The following SGSM2 variants were observed in gnomAD, a reference collection of about 807,000 sequenced individuals.
SGSM2 encodes RUN and TBC1 domain containing 1.
SGSM2 carries 89 observed loss-of-function variants against 126.6 expected under a neutral mutation model. The observed-to-expected ratio is 0.70, with a 90% CI of 0.59 to 0.84. The LOEUF is 0.84. Ranked by LOEUF, SGSM2 falls within the 40% of genes least tolerant of loss-of-function variation. The pLI is 0.00. For synonymous variants in SGSM2, 614 were observed against 574.3 expected (o/e 1.07, Z -0.99); for missense variants, 1,404 against 1,416.6 (o/e 0.99, Z 0.14).
At chr17:2,345,339 G>C (rs894110709) in intron 2 of SGSM2, among the ~76,000 whole-genome samples, 1 of 152,012 alleles carries the variant, frequency 6.6e-6, no homozygotes, top group African/African-American at 2.4e-5. Flanking sequence ...GCGGGCGCCT[G>C]TAATCCCAGC....
intron 22 of SGSM2, 80 bp from the exon 23 acceptor site, chr17:2,378,956 C>T: frequency 5.3e-6 from 8 of 1,499,486 alleles, no homozygotes; most frequent in Non-Finnish European, 7.2e-6. Context: ...CAGCCTCAAT[C>T]CCAGCCTCAG....
intron 8 of SGSM2, 158 bp downstream of exon 8, chr17:2,364,341 G>T: frequency 9.7e-7 from 1 of 1,029,242 alleles, no homozygotes; most frequent in Admixed American, 2.2e-5. Flanking sequence ...TGATTCCCAA[G>T]CTCTCTAGGA....
At chr17:2,364,387 G>C in intron 8 of SGSM2, 1 of 852,700 alleles carries the variant, frequency 1.2e-6, no homozygotes, top group South Asian at 1.7e-5. Flanking sequence ...GTTTGTCTGA[G>C]CCAAGCTCTC....
At position 2,373,311 on chromosome 17, in the gene SGSM2, G is replaced by C. The variant is rs762234489; in HGVS notation, c.1918-20G>C. 6.2e-7 allele frequency: 1 copy of C among 1,604,130 alleles called. No individual in the cohort carries two copies. Among genetic ancestry groups the C allele is most frequent in the Admixed American group, 1.7e-5 (1 of 59,814 alleles). ...CCTGGTGCACGCTTCCCCCATGGTC[G>C]TGGTGTGGTCTGAGTACAGGTGGAC... On this transcript the variant is annotated intron_variant, in intron 16 of 23. Transcript: ENST00000268989.
chr17:2,364,708 C>T, intron 9 of SGSM2, 45 bp downstream of exon 9: 2 of 1,606,282 alleles, frequency 1.2e-6, no homozygotes, highest in Non-Finnish European at 1.7e-6. Flanking sequence ...GGAGAGGCTG[C>T]CTTCTGCCAG....
intron 8 of SGSM2, 116 bp downstream of exon 8, chr17:2,364,299 C>A: frequency 7.4e-7 from 1 of 1,344,236 alleles, no homozygotes; most frequent in Non-Finnish European, 1.0e-6. Context: ...TTTATTTGGA[C>A]GCCAAGAATA....
intron 11 of SGSM2, among the ~76,000 whole-genome samples, chr17:2,365,745 T>C (rs1350811142): frequency 6.9e-6 from 1 of 145,598 alleles, no homozygotes; most frequent in Admixed American, 6.8e-5. Flanking sequence ...CAGCGCTACT[T>C]TTTTTTTTTT....
intron 1 of SGSM2, among the ~76,000 whole-genome samples, chr17:2,340,095 T>C (rs185988859): frequency 4.7e-4 from 71 of 152,166 alleles, no homozygotes; most frequent in African/African-American, 1.6e-3. Context: ...ATTTTGGAGG[T>C]TAGTCACAGA....
At chr17:2,374,722 A>C (rs2066045965) in intron 17 of SGSM2, 1 of 152,264 alleles carries the variant, frequency 6.6e-6, no homozygotes, top group Non-Finnish European at 1.5e-5. Context: ...GCCAGTGCCC[A>C]GCTGCTGAGC....
chr17:2,359,057 T>C (rs2151546749), intron 2 of SGSM2, among the ~76,000 whole-genome samples: 1 of 152,124 alleles, frequency 6.6e-6, no homozygotes, highest in Non-Finnish European at 1.5e-5. Context: ...TTTTGTATTT[T>C]TAGTAGAGAT....
At position 2,376,986 on chromosome 17, in the gene SGSM2, A is replaced by T; in HGVS notation, c.2720A>T (p.His907Leu). 1 of 1,613,712 alleles carries T rather than the reference A, an allele frequency of 6.2e-7. No homozygotes were observed. The highest frequency in any genetic ancestry group is 8.5e-7 in the Non-Finnish European group (1 of 1,179,868). Residue 907 changes from histidine to leucine, a missense_variant, in exon 21 of 24, where the codon CAC becomes CTC. Coordinates refer to ENST00000268989, the MANE Select transcript of SGSM2 (RefSeq NM_014853.3). The stretch of plus-strand genomic sequence containing the variant: ...CAGCTGGCCTACAGCTGCTTCAGCC[A>T]CCTCATGAAGAGGATGAGCCAGAAC... ...NDQLAYSCFS[H>L]LMKRMSQNFP...
intron 2 of SGSM2, among the ~76,000 whole-genome samples, chr17:2,346,070 G>GA (rs371145798): frequency 3.3e-5 from 5 of 152,136 alleles, no homozygotes; most frequent in African/African-American, 1.2e-4. Context: ...TCAGTCCCTG[G>GA]AAAAATGCTC....
intron 1 of SGSM2, among the ~76,000 whole-genome samples, 199 bp from the exon 2 acceptor site, chr17:2,343,346 C>T (rs2064460810): frequency 1.3e-5 from 2 of 152,144 alleles, no homozygotes; most frequent in Admixed American, 1.3e-4. Flanking sequence ...GCATCTCTTT[C>T]CCTGGTTTCC....
chr17:2,373,372 AGAGTGGAAGG>A lies in SGSM2; in HGVS notation c.1960_1969del (p.Glu654ProfsTer6). On this transcript the variant is annotated frameshift_variant, in exon 17 of 24. Transcript: ENST00000268989. LOFTEE classifies it high-confidence loss of function. The stretch of plus-strand genomic sequence containing the variant: ...CAGCAAGGTACCAGCAGGTGTTGGC[AGAGTGGAAGG>A]CCTGCGAGGTGGTGGTGAGGCAGCG... 6.2e-7 allele frequency: 1 copy of A among 1,613,066 alleles called. No individual in the cohort carries two copies. Among genetic ancestry groups the A allele is most frequent in the East Asian group, 2.2e-5 (1 of 44,822 alleles).
chr17:2,337,653 C>T lies in SGSM2; in HGVS notation c.-36C>T, dbSNP rs1395134931. On this transcript the variant is annotated 5_prime_UTR_variant, in exon 1 of 24. Coordinates refer to ENST00000268989, the MANE Select transcript of SGSM2 (RefSeq NM_014853.3). The surrounding 1 kb of genome is among the most constrained non-coding windows in gnomAD (Gnocchi z 5.1). ...CGCGGAGGCGGCGAGGGCGCGGGGG[C>T]TCTGAGGACCGCTCGGCGCCGCCTC... The T allele has an allele frequency of 7.1e-6, 10 of 1,414,624 alleles. No homozygotes were observed. The highest frequency in any genetic ancestry group is 8.4e-6 in the Non-Finnish European group (9 of 1,067,450). 87.6% of individuals were successfully genotyped at this position (1,414,624 alleles called of 1,614,324 possible). A position where few individuals can be genotyped will look rare whatever the true frequency, so the allele number is the denominator to read the frequency against.
rs151094284 is a variant in SGSM2 at position 2,361,736 on chromosome 17, C to G, written c.233C>G (p.Thr78Arg). The change falls in exon 3 of 24, where the codon ACG becomes AGG. Residue 78 changes from threonine to arginine, a missense_variant. By Grantham distance (71) the Thr-to-Arg change is moderately conservative (BLOSUM62 -1). Transcript: ENST00000268989. ...MAALFTKVGK[T>R]CPVAGEICHK... ...GCCCTGTTCACCAAGGTGGGGAAGA[C>G]GTGCCCAGTGGCGGGGGAGATTTGC... is the stretch of plus-strand genomic sequence containing the variant. 6.2e-7 allele frequency: 1 copy of G among 1,613,836 alleles called. No individual in the cohort carries two copies. Among genetic ancestry groups the G allele is most frequent in the East Asian group, 2.2e-5 (1 of 44,894 alleles).
At chr17:2,376,692 G>T in intron 19 of SGSM2, 41 bp from the exon 20 acceptor site, 1 of 1,606,744 alleles carries the variant, frequency 6.2e-7, no homozygotes. Flanking sequence ...AGGGAGGGAA[G>T]AATGGGGCAC....
chr17:2,360,159 G>A (rs1038245023), intron 2 of SGSM2, among the ~76,000 whole-genome samples: 3 of 152,026 alleles, frequency 2.0e-5, no homozygotes, highest in Admixed American at 2.0e-4. Context: ...CCTGGCCAAC[G>A]TGGCGAAACC....
At chr17:2,351,490 C>A (rs1441459181) in intron 2 of SGSM2, among the ~76,000 whole-genome samples, 1 of 152,160 alleles carries the variant, frequency 6.6e-6, no homozygotes, top group Admixed American at 6.5e-5. Context: ...GCTGAGTGTG[C>A]CCACATCAGT....
Sources: gnomAD v4.1 joint callset for allele counts (sites outside exome capture counted in the v4.1 genomes callset) on GRCh38, gnomAD v4.1.1 for gene constraint, Gnocchi (gnomAD v3.1) non-coding constraint, MANE v1.5 for transcripts, NCBI Gene and HGNC (gene_info 2026-07-23, HGNC 2026-07-21) for gene names.